The following HORMAD2 variants were observed in gnomAD, a reference collection of about 807,000 sequenced individuals.
HORMAD2 encodes the protein HORMA domain-containing protein 2.
HORMAD2 carries 45 observed loss-of-function variants against 38.8 expected under a neutral mutation model. The ratio of observed to expected loss-of-function variants is 1.16; its 90% CI spans 0.91 to 1.49. HORMAD2 has a LOEUF of 1.49. Ranked by LOEUF, HORMAD2 falls within the 40% of genes most tolerant of loss-of-function variation. The pLI, the probability that HORMAD2 is intolerant of heterozygous loss-of-function variation, is 0.00. For synonymous variants in HORMAD2, 126 were observed against 122.8 expected, an observed-to-expected ratio of 1.03 and a Z score of -0.17; for missense variants, 338 against 367.0, an observed-to-expected ratio of 0.92 and a Z score of 0.65.
chr22:30,151,587 A>C (rs965763177), intron 10 of HORMAD2, among the ~76,000 whole-genome samples: 3 of 152,334 alleles, frequency 2.0e-5, no homozygotes, highest in Admixed American at 2.0e-4. Flanking sequence ...TCAGTAAGGA[A>C]TATTAGCTCA....
downstream of HORMAD2, among the ~76,000 whole-genome samples, chr22:30,180,905 C>T (rs191740831): frequency 6.9e-4 from 93 of 135,396 alleles, no homozygotes; most frequent in Non-Finnish European, 1.1e-3. Flanking sequence ...TTCCCTTTCC[C>T]TTTCCCTTTC....
intron 1 of HORMAD2, among the ~76,000 whole-genome samples, chr22:30,087,015 C>T (rs931277754): frequency 2.0e-5 from 3 of 152,042 alleles, no homozygotes; most frequent in Non-Finnish European, 4.4e-5. Context: ...GCATGTGCCA[C>T]CACGCCCAGC....
chr22:30,195,895 A>AG, the HORMAD2 span, among the ~76,000 whole-genome samples: 1 of 152,232 alleles, frequency 6.6e-6, no homozygotes, highest in Non-Finnish European at 1.5e-5. Flanking sequence ...TCATGGCCGA[A>AG]GGGGGTGGGG....
Position 30,122,234 on chromosome 22 carries a change from A to G in HORMAD2, c.819+20A>G, listed in dbSNP as rs757916924. 3.1e-6 allele frequency: 5 copies of G among 1,591,270 alleles called. No individual in the cohort carries two copies. In the South Asian group the frequency reaches 4.5e-5, roughly 14 times the overall value. ...GACCATGTAAGGCAAAGCTTTAGAG[A>G]TTTTCTATCGTGTCAGTTAAACACA... On this transcript the variant is annotated intron_variant, in intron 10 of 10. Coordinates refer to ENST00000336726, the MANE Select transcript of HORMAD2 (RefSeq NM_152510.4).
chr22:30,139,955 CTG>C (rs36099958), intron 10 of HORMAD2, among the ~76,000 whole-genome samples: 74 of 150,064 alleles, frequency 4.9e-4, no homozygotes, highest in East Asian at 2.9e-3. Context: ...GTACGTGTAT[CTG>C]TGTGTGTGTG....
chr22:30,078,037 A>C (rs117164440), upstream of HORMAD2, among the ~76,000 whole-genome samples: 366 of 152,304 alleles, frequency 2.4e-3, 2 homozygotes, highest in African/African-American at 8.4e-3. Flanking sequence ...AGCTCCTAGC[A>C]CAGGGGCCAG....
At chr22:30,192,784 G>C in the HORMAD2 span, among the ~76,000 whole-genome samples, 3 of 152,112 alleles carry the variant, frequency 2.0e-5, no homozygotes, top group Non-Finnish European at 4.4e-5. Flanking sequence ...TCTGACATAG[G>C]CTCTGTGATA....
intron 10 of HORMAD2, among the ~76,000 whole-genome samples, chr22:30,131,266 C>T (rs977904564): frequency 6.6e-6 from 1 of 152,164 alleles, no homozygotes; most frequent in African/African-American, 2.4e-5. Context: ...AGATGGAGGG[C>T]TAATGTTGGC....
At chr22:30,206,922 T>A in the HORMAD2 span, 10 of 380,056 alleles carry the variant, frequency 2.6e-5, no homozygotes, top group African/African-American at 2.1e-4. Flanking sequence ...CGAGCATCAT[T>A]CAAGGGAAAT....
chr22:30,111,113 G>A (rs1195106360), intron 5 of HORMAD2, among the ~76,000 whole-genome samples: 1 of 143,606 alleles, frequency 7.0e-6, no homozygotes, highest in Non-Finnish European at 1.5e-5. Flanking sequence ...CCAAGATCAC[G>A]CTACTGTACT....
At chr22:30,098,429 T>C (rs371987116) in intron 2 of HORMAD2, among the ~76,000 whole-genome samples, 5 of 152,194 alleles carry the variant, frequency 3.3e-5, no homozygotes, top group African/African-American at 1.2e-4. Context: ...CAGTGTCAGA[T>C]AATATAAAGA....
At chr22:30,100,365 G>T (rs1601515251) in intron 3 of HORMAD2, among the ~76,000 whole-genome samples, 1 of 152,176 alleles carries the variant, frequency 6.6e-6, no homozygotes, top group Non-Finnish European at 1.5e-5. Context: ...ATGGTGCTGG[G>T]AAAACTGGCT....
intron 10 of HORMAD2, among the ~76,000 whole-genome samples, chr22:30,169,543 AC>A (rs1339254304): frequency 2.6e-5 from 4 of 152,218 alleles, no homozygotes; most frequent in African/African-American, 9.6e-5. Flanking sequence ...CTGGTCACAA[AC>A]TACAGAAGAT....
chr22:30,178,345 T>C (rs1601604873), downstream of HORMAD2, among the ~76,000 whole-genome samples: 1 of 152,338 alleles, frequency 6.6e-6, no homozygotes, highest in South Asian at 2.1e-4. Context: ...TCTTTATCAC[T>C]GCCAGTAGGT....
chr22:30,114,295 C>G (rs938074631), intron 7 of HORMAD2, among the ~76,000 whole-genome samples: 11 of 152,140 alleles, frequency 7.2e-5, no homozygotes, highest in Admixed American at 6.6e-5. Flanking sequence ...TCATGGTATA[C>G]TTTTTATTAC....
intron 10 of HORMAD2, among the ~76,000 whole-genome samples, chr22:30,156,154 G>C (rs373242646): frequency 7.2e-5 from 11 of 152,300 alleles, no homozygotes; most frequent in South Asian, 2.1e-4. Context: ...CACAGGCTCT[G>C]ATACAGATGC....
chr22:30,173,018 CAGGGAAGCCCAGCA>C (rs1926211216), intron 10 of HORMAD2, among the ~76,000 whole-genome samples: 1 of 152,010 alleles, frequency 6.6e-6, no homozygotes, highest in Non-Finnish European at 1.5e-5. Context: ...GTGGGGGTGT[CAGGGAAGCCCAGCA>C]GGCAGAAGAA....
chr22:30,109,684 CT>C (rs1667364688), intron 5 of HORMAD2, among the ~76,000 whole-genome samples: 4 of 152,086 alleles, frequency 2.6e-5, no homozygotes, highest in Admixed American at 2.6e-4. Flanking sequence ...ATTTCTATCT[CT>C]ATATGTTACT....
rs1029338758 is a variant in HORMAD2, at chr22:30,175,649, G to A, written c.820-414G>A. On this transcript the variant is annotated intron_variant, in intron 10 of 10. Transcript: ENST00000336726. Reference sequence around the variant, plus strand: ...TCTTAATTCATTATTCTGAACACACGATAGAAAACACAAGGCAGTATGTCT... The same window carrying A: ...TCTTAATTCATTATTCTGAACACACAATAGAAAACACAAGGCAGTATGTCT... Among the ~76,000 whole-genome samples the A allele has an allele frequency of 2.6e-5, 4 of 151,932 alleles. No homozygotes were observed. The East Asian group carries it at 5.8e-4, about 22-fold the overall frequency.
Sources: gnomAD v4.1 joint callset for allele counts (sites outside exome capture counted in the v4.1 genomes callset) on GRCh38, gnomAD v4.1.1 for gene constraint, MANE v1.5 for transcripts, NCBI Gene and HGNC (gene_info 2026-07-23, HGNC 2026-07-21) for gene names.